The following PDLIM2 variants were observed in gnomAD, a reference collection of about 807,000 sequenced individuals.
The protein encoded by PDLIM2 is PDZ and LIM domain protein 2.
In PDLIM2, 51 loss-of-function variants were observed where a neutral mutation model predicts 54.1. That is an observed-to-expected ratio of 0.94 (90% CI 0.75 to 1.19). PDLIM2 has a LOEUF of 1.19. Ranked by LOEUF, PDLIM2 falls within the 50% of genes most tolerant of loss-of-function variation. The pLI is 0.00. For synonymous variants in PDLIM2, 398 were observed against 385.6 expected (o/e 1.03, Z -0.38); for missense variants, 912 against 874.0 (o/e 1.04, Z -0.55).
intron 1 of PDLIM2, chr8:22,580,501 G>T: frequency 6.3e-7 from 1 of 1,590,860 alleles, no homozygotes; most frequent in East Asian, 2.3e-5. Context: ...CGGGAGCTGT[G>T]GTGCCCTCTC....
At chr8:22,589,936 T>C (rs1193077606) in intron 8 of PDLIM2, 195 bp downstream of exon 7, 2 of 638,808 alleles carry the variant, frequency 3.1e-6, no homozygotes, top group African/African-American at 1.9e-5. Context: ...TCCGGGAGGG[T>C]CACCAGCGTG....
chr8:22,582,578 A>AT (rs778664391), intron 3 of PDLIM2, among the ~76,000 whole-genome samples: 4,673 of 126,014 alleles, frequency 0.037, 142 homozygotes, highest in East Asian at 0.046. Context: ...CAGTCTCTTA[A>AT]TTTTTTTTTT....
At chr8:22,581,677 T>G in intron 3 of PDLIM2, 147 bp downstream of exon 2, 1 of 1,146,782 alleles carries the variant, frequency 8.7e-7, no homozygotes, top group African/African-American at 1.6e-5. Flanking sequence ...GAGAAGGTCC[T>G]GGGCTCTGCT....
downstream of PDLIM2, chr8:22,594,353 C>T: frequency 1.4e-6 from 2 of 1,472,608 alleles, no homozygotes; most frequent in African/African-American, 1.4e-5. Flanking sequence ...GACCTGCTCC[C>T]ACCACTGGGT....
chr8:22,584,601 G>A (rs1800317854), intron 3 of PDLIM2, among the ~76,000 whole-genome samples: 1 of 152,222 alleles, frequency 6.6e-6, no homozygotes, highest in Non-Finnish European at 1.5e-5. Flanking sequence ...GTGGGTCAAT[G>A]TGCCTGGCCA....
chr8:22,580,447 T>C (rs746231443), intron 1 of PDLIM2, 28 bp from the exon 1 acceptor site: 2 of 1,475,026 alleles, frequency 1.4e-6, no homozygotes, highest in Non-Finnish European at 1.8e-6. Flanking sequence ...GGGAGGGAGT[T>C]AGCCACTTCC....
exon 4 of PDLIM2, chr8:22,584,873 C>T: frequency 1.2e-6 from 2 of 1,614,172 alleles, no homozygotes; most frequent in Non-Finnish European, 1.7e-6. Flanking sequence ...CTTGGAAGTG[C>T]TGGCGACTCG....
At chr8:22,581,530 G>C (rs760435997) in exon 3 of PDLIM2, 1 of 1,574,218 alleles carries the variant, frequency 6.4e-7, no homozygotes, top group South Asian at 1.2e-5. Flanking sequence ...CAGCTGGACC[G>C]GTAGGGCCTC....
At chr8:22,595,961 G>GTTTTTT, downstream of PDLIM2, 1 of 143,218 alleles carries the variant, frequency 7.0e-6, no homozygotes, top group Non-Finnish European at 1.5e-5. Flanking sequence ...TAATTTTTAA[G>GTTTTTT]TTTTTTTTTT....
At chr8:22,589,126 G>C in intron 6 of PDLIM2, 172 bp from the exon 6 acceptor site, 1 of 536,326 alleles carries the variant, frequency 1.9e-6, no homozygotes, top group African/African-American at 2.2e-5. Context: ...TGGTCGGCGA[G>C]GGCTGGGAGC....
chr8:22,589,549 A>G, intron 7 of PDLIM2, 47 bp from the exon 7 acceptor site: 2 of 1,567,272 alleles, frequency 1.3e-6, no homozygotes, highest in Non-Finnish European at 1.7e-6. Context: ...TTGCTTGCCT[A>G]AGCTCCGGCA....
In PDLIM2 at chr8:22,580,574, A is replaced by G. The variant is rs752076029; in HGVS notation, c.749-29A>G. 5 of 1,613,534 alleles carry G rather than the reference A, an allele frequency of 3.1e-6. No homozygotes were observed. In the South Asian group the frequency reaches 5.5e-5, roughly 18 times the overall value. On this transcript the variant is annotated intron_variant, in intron 1 of 9. Transcript: ENST00000308354. ...CCCCCAGAGCCGGCTAGGGGCATGG[A>G]CTTCACCTCCTGGTCCTCTCTTCCT... is the stretch of plus-strand genomic sequence containing the variant.
intron 3 of PDLIM2, among the ~76,000 whole-genome samples, chr8:22,582,446 G>A (rs879613606): frequency 2.2e-4 from 33 of 152,216 alleles, no homozygotes; most frequent in Middle Eastern, 6.8e-3. Context: ...GTCTGGCAGC[G>A]GAAGGGCAGG....
chr8:22,583,691 C>T (rs1046693450), intron 3 of PDLIM2, among the ~76,000 whole-genome samples: 3 of 151,642 alleles, frequency 2.0e-5, no homozygotes, highest in Non-Finnish European at 4.4e-5. Context: ...TGCTTGAACC[C>T]AGGAGGTGGA....
At chr8:22,588,506 T>C (rs1019354769) in intron 6 of PDLIM2, 1 of 152,218 alleles carries the variant, frequency 6.6e-6, no homozygotes, top group Admixed American at 6.6e-5. Flanking sequence ...CTGAGTCCCA[T>C]TGGGGTGGCA....
downstream of PDLIM2, chr8:22,596,870 C>T (rs1800694401): frequency 6.6e-6 from 1 of 152,196 alleles, no homozygotes; most frequent in African/African-American, 2.4e-5. Flanking sequence ...AACCGAGGAC[C>T]AGGAGGTTCA....
At chr8:22,591,637 C>T in exon 9 of PDLIM2, 2 of 1,613,092 alleles carry the variant, frequency 1.2e-6, no homozygotes, top group Non-Finnish European at 8.5e-7. Context: ...TCCCAAGCTC[C>T]ACACTTGTGA....
chr8:22,594,673 G>A (rs543055961), downstream of PDLIM2: 73 of 1,597,868 alleles, frequency 4.6e-5, no homozygotes, highest in South Asian at 5.3e-4. Context: ...CCTGAGGACC[G>A]GCCGCCCACC....
chr8:22,584,595 G>A (rs1022046660), intron 3 of PDLIM2, among the ~76,000 whole-genome samples: 6 of 152,228 alleles, frequency 3.9e-5, no homozygotes, highest in African/African-American at 1.4e-4. Context: ...ATAGGCGTGG[G>A]TCAATGTGCC....
Sources: gnomAD v4.1 joint callset for allele counts (sites outside exome capture counted in the v4.1 genomes callset) on GRCh38, gnomAD v4.1.1 for gene constraint, MANE v1.5 for transcripts, NCBI Gene and HGNC (gene_info 2026-07-23, HGNC 2026-07-21) for gene names.